The following KIF13B variants were observed in gnomAD, a reference collection of about 807,000 sequenced individuals.
KIF13B encodes kinesin-like protein KIF13B.
KIF13B carries 127 observed loss-of-function variants against 222.0 expected under a neutral mutation model. That is an observed-to-expected ratio of 0.57 (90% CI 0.50 to 0.66). KIF13B has a LOEUF of 0.66. Ranked by LOEUF, KIF13B falls within the 30% of genes least tolerant of loss-of-function variation. The pLI is 0.00. For missense variants in KIF13B, 2,173 were observed against 2,379.0 expected (o/e 0.91, Z 1.80); for synonymous variants, 976 against 919.0 (o/e 1.06, Z -1.12).
intron 38 of KIF13B, 75 bp from the exon 39 acceptor site, chr8:29,072,391 G>T: frequency 9.4e-7 from 1 of 1,060,850 alleles, no homozygotes; most frequent in Non-Finnish European, 1.3e-6. Context: ...GCTTTGACTT[G>T]GAAAAGAGCA....
In KIF13B at chr8:29,071,483, TC is replaced by T. The variant is rs1432740669; in HGVS notation, c.5218+136del. The T allele has an allele frequency of 1.4e-5, 10 of 733,580 alleles. No individual in the cohort carries two copies. The highest frequency in any genetic ancestry group is 3.6e-5 in the African/African-American group (2 of 56,080). The allele number at this position is 733,580 out of a possible 1,614,324, so 45.4% of individuals were successfully genotyped here. ...GCCTCACCCCTGCAGGCCCAGCCGCTCCCGCAGCTTCAGCCAAGCCGCTGCC... is the reference window on the plus strand; with the variant it reads ...GCCTCACCCCTGCAGGCCCAGCCGCTCCGCAGCTTCAGCCAAGCCGCTGCC... On this transcript the variant is annotated intron_variant, in intron 39 of 39. Transcript: ENST00000524189. This position sits in a 1 kb window ranked among gnomAD's most constrained non-coding sequence, Gnocchi z 4.9.
intron 37 of KIF13B, 135 bp from the exon 38 acceptor site, chr8:29,075,478 T>C: frequency 1.4e-6 from 1 of 703,176 alleles, no homozygotes; most frequent in East Asian, 2.8e-5. Flanking sequence ...TGTGAGGGGC[T>C]CCACACCCTC....
intron 6 of KIF13B, among the ~76,000 whole-genome samples, chr8:29,184,710 A>C (rs955382915): frequency 5.9e-5 from 9 of 152,210 alleles, no homozygotes; most frequent in Admixed American, 5.2e-4. Context: ...AGATAAGTTA[A>C]AAAGATGCCA....
At chr8:29,113,702 CG>C (rs898021318) in intron 31 of KIF13B, 147 bp from the exon 32 acceptor site, 1 of 654,786 alleles carries the variant, frequency 1.5e-6, no homozygotes, top group African/African-American at 1.8e-5. Context: ...TCACCAAGTA[CG>C]GTTTCTTCAT....
At position 29,072,028 on chromosome 8, in the gene KIF13B, C is replaced by A; in HGVS notation, c.4810G>T (p.Glu1604Ter). The A allele has an allele frequency of 7.7e-7, 1 of 1,294,296 alleles. No individual in the cohort carries two copies. The allele number at this position is 1,294,296 out of a possible 1,614,324, so 80.2% of individuals were successfully genotyped here. A position where few individuals can be genotyped will look rare whatever the true frequency, so the allele number is the denominator to read the frequency against. ...GGTGGGGGGTGGCTGATGGGCGCCTCGGGCTCGGCCTCAGGGGCGGTGGGC... is the reference window on the plus strand; with the variant it reads ...GGTGGGGGGTGGCTGATGGGCGCCTAGGGCTCGGCCTCAGGGGCGGTGGGC... The part of the protein sequence containing the change: ...SMPTAPEAEP[E>*]APISHPPPPT... The change falls in exon 39 of 40, where the codon GAG becomes TAG. Residue 1604 changes from glutamate to a stop codon, truncating the protein, a stop_gained. Transcript: ENST00000524189. LOFTEE classifies it high-confidence loss of function.
chr8:29,192,065 G>A (rs1813215229), intron 3 of KIF13B, among the ~76,000 whole-genome samples: 1 of 152,002 alleles, frequency 6.6e-6, no homozygotes, highest in Admixed American at 6.6e-5. Context: ...CTCTCCTGAT[G>A]GCCACCTTTC....
chr8:29,106,030 T>G (rs527754189), intron 35 of KIF13B, among the ~76,000 whole-genome samples: 19 of 152,288 alleles, frequency 1.2e-4, no homozygotes, highest in African/African-American at 4.6e-4. Context: ...TTAGATACAT[T>G]TTCCACAAAA....
intron 2 of KIF13B, among the ~76,000 whole-genome samples, chr8:29,202,394 T>C (rs1017149602): frequency 1.1e-4 from 17 of 152,214 alleles, no homozygotes; most frequent in Admixed American, 6.5e-4. Flanking sequence ...CTTGGCTCAC[T>C]GTAATCTCTG....
chr8:29,216,853 G>A (rs576916379), intron 2 of KIF13B, among the ~76,000 whole-genome samples: 59 of 151,996 alleles, frequency 3.9e-4, no homozygotes, highest in Non-Finnish European at 6.5e-4. Flanking sequence ...AAGCTGTGGC[G>A]CAGGGCTGAA....
chr8:29,128,655 CGCA>C, intron 24 of KIF13B, among the ~76,000 whole-genome samples: 1 of 152,042 alleles, frequency 6.6e-6, no homozygotes, highest in East Asian at 1.9e-4. Context: ...GGGTGAAGTG[CGCA>C]CTTGAAGGGA....
At position 29,251,493 on chromosome 8, in the gene KIF13B, T is replaced by C. The variant is rs935296938; in HGVS notation, c.56-6054A>G. On this transcript the variant is annotated intron_variant, in intron 1 of 39. Transcript: ENST00000524189. ...CATCATATCATGAACCTTGAAGATA[T>C]CATGCTAAGTGAAATAAGCAAGTCA... Among the ~76,000 whole-genome samples the C allele has an allele frequency of 4.5e-4, 68 of 152,238 alleles. 1 individual carries two copies. The highest frequency in any genetic ancestry group is 1.5e-3 in the African/African-American group (64 of 41,536).
At chr8:29,256,607 G>A (rs971763282) in intron 1 of KIF13B, among the ~76,000 whole-genome samples, 6 of 152,142 alleles carry the variant, frequency 3.9e-5, no homozygotes, top group African/African-American at 1.4e-4. Context: ...TTTGAAAATG[G>A]TGTCATCTCA....
chr8:29,087,164 C>A (rs1403356359), intron 37 of KIF13B, among the ~76,000 whole-genome samples: 1 of 152,168 alleles, frequency 6.6e-6, no homozygotes, highest in East Asian at 1.9e-4. Context: ...CAGTCTCCCA[C>A]AAACTCTTTG....
At chr8:29,237,786 C>T (rs898853160) in intron 2 of KIF13B, among the ~76,000 whole-genome samples, 6 of 152,146 alleles carry the variant, frequency 3.9e-5, no homozygotes, top group Admixed American at 3.9e-4. Context: ...TGCATTCAAC[C>T]ACACATATTT....
chr8:29,155,106 T>C lies in KIF13B; in HGVS notation c.1535+620A>G, dbSNP rs993436876. On this transcript the variant is annotated intron_variant, in intron 14 of 39. Coordinates refer to ENST00000524189, the MANE Select transcript of KIF13B (RefSeq NM_015254.4). ...TTGGAGCCCCTTCATTCCTCCATGG[T>C]GTATTAAGTTCCTGTGTACTAGTCT... 8.5e-5 allele frequency among the ~76,000 whole-genome samples: 13 copies of C among 152,134 alleles called. 1 individual carries two copies. Among genetic ancestry groups the C allele is most frequent in the South Asian group, 8.3e-4 (4 of 4,810 alleles).
rs763053633 is a variant in KIF13B, at chr8:29,186,357, A to G, written c.432T>C (p.Phe144=). The G allele has an allele frequency of 1.5e-5, 24 of 1,613,802 alleles. No homozygotes were observed. In the South Asian group the frequency reaches 2.6e-4, roughly 18 times the overall value. ...TTTCCATGTAGGACACTTCTACTTTAAAACTCTGTTCTTCATTTTCCTCTT... is the reference window on the plus strand; with the variant it reads ...TTTCCATGTAGGACACTTCTACTTTGAAACTCTGTTCTTCATTTTCCTCTT... ...TQKEENEEQS[F]KVEVSYMEIY... The change falls in exon 6 of 40, where the codon TTT becomes TTC. Residue 144 remains phenylalanine (F), a synonymous_variant. Transcript: ENST00000524189.
chr8:29,218,460 T>C (rs753026826), intron 2 of KIF13B, among the ~76,000 whole-genome samples: 1 of 152,180 alleles, frequency 6.6e-6, no homozygotes, highest in Non-Finnish European at 1.5e-5. Flanking sequence ...TAAGAAACCA[T>C]GAGCTAAAAA....
chr8:29,176,883 C>G (rs1586884763), intron 9 of KIF13B, among the ~76,000 whole-genome samples: 1 of 152,122 alleles, frequency 6.6e-6, no homozygotes, highest in East Asian at 1.9e-4. Context: ...CAAAATATTA[C>G]TTCGTAAAGT....
intron 35 of KIF13B, among the ~76,000 whole-genome samples, chr8:29,104,700 G>A (rs1808965259): frequency 2.0e-5 from 3 of 151,872 alleles, no homozygotes; most frequent in Non-Finnish European, 2.9e-5. Flanking sequence ...ATAAGGCCCC[G>A]CCTCTCTGGG....
Sources: allele counts gnomAD v4.1 joint callset (sites outside exome capture counted in the v4.1 genomes callset), GRCh38; gene constraint gnomAD v4.1.1; non-coding constraint Gnocchi (gnomAD v3.1); transcripts MANE v1.5; gene names NCBI Gene and HGNC (gene_info 2026-07-23, HGNC 2026-07-21).